CCDC91: variants seen among roughly 807,000 people sequenced by gnomAD.
CCDC91 encodes the protein coiled-coil domain containing 91.
Under a neutral mutation model 63.2 loss-of-function variants are expected in CCDC91, and 48 were observed. The observed-to-expected ratio is 0.76, with a 90% CI of 0.60 to 0.97. The LOEUF (loss-of-function observed/expected upper bound fraction) is 0.97. Ranked by LOEUF, CCDC91 falls within the 50% of genes least tolerant of loss-of-function variation. The probability of loss-of-function intolerance (pLI) is 0.00; values close to 1 mark genes in which losing one functional copy is unlikely to be tolerated. For missense variants in CCDC91, 500 were observed against 494.6 expected (o/e 1.01, Z -0.10); for synonymous variants, 167 against 165.8 (o/e 1.01, Z -0.06).
Position 28,340,316 on chromosome 12 carries a change from C to A in CCDC91, c.577-22122C>A, listed in dbSNP as rs574012282. Among the ~76,000 whole-genome samples the A allele has an allele frequency of 2.1e-3, 324 of 152,276 alleles. 2 individuals are homozygous for A. The highest frequency in any genetic ancestry group is 7.4e-3 in the African/African-American group (306 of 41,554). ...ATGGAAGACAGCTGTATTCTCTTAT[C>A]TCCTTGTTTATTCAGTCTTTGGTGA... On this transcript the variant is annotated intron_variant, in intron 6 of 12. Transcript: ENST00000536442.
At chr12:28,399,476 A>G (rs568478198) in intron 8 of CCDC91, among the ~76,000 whole-genome samples, 2 of 152,242 alleles carry the variant, frequency 1.3e-5, no homozygotes, top group Admixed American at 6.5e-5. Flanking sequence ...ACCACTCCCA[A>G]ATCTCTTGAC....
intron 8 of CCDC91, among the ~76,000 whole-genome samples, chr12:28,406,910 C>T (rs796195629): frequency 6.6e-6 from 1 of 151,336 alleles, no homozygotes; most frequent in Non-Finnish European, 1.5e-5. Context: ...TGGTTTGGAT[C>T]TTTGTGCCCA....
intron 8 of CCDC91, among the ~76,000 whole-genome samples, chr12:28,423,155 A>G (rs1948111664): frequency 6.6e-6 from 1 of 152,060 alleles, no homozygotes; most frequent in Admixed American, 6.6e-5. Context: ...AAAATGAAAC[A>G]TTTCCTGTGA....
intron 1 of CCDC91, among the ~76,000 whole-genome samples, chr12:28,201,591 C>T (rs879945911): frequency 6.8e-6 from 1 of 146,602 alleles, no homozygotes. Flanking sequence ...CGATGGGCGG[C>T]CAGGCAGAGA....
intron 1 of CCDC91, among the ~76,000 whole-genome samples, chr12:28,227,127 T>A (rs1944320888): frequency 6.6e-6 from 1 of 152,144 alleles, no homozygotes; most frequent in Middle Eastern, 3.2e-3. Flanking sequence ...TATTGTGACT[T>A]ATCATTGTTG....
intron 6 of CCDC91, among the ~76,000 whole-genome samples, chr12:28,349,503 G>T (rs780172619): frequency 2.8e-4 from 42 of 152,084 alleles, no homozygotes; most frequent in Admixed American, 1.8e-3. Context: ...GCTTATAAGG[G>T]CCTCATGCTT....
At chr12:28,487,192 C>T (rs1427721795) in intron 12 of CCDC91, among the ~76,000 whole-genome samples, 3 of 151,738 alleles carry the variant, frequency 2.0e-5, no homozygotes, top group African/African-American at 7.2e-5. Flanking sequence ...TTATTACTTC[C>T]ACTTTGGGAT....
intron 11 of CCDC91, among the ~76,000 whole-genome samples, chr12:28,478,935 A>ATGG: frequency 2.0e-5 from 3 of 152,206 alleles, no homozygotes; most frequent in African/African-American, 7.2e-5. Context: ...ACCATTTAGA[A>ATGG]TGACATTCAT....
chr12:28,342,256 C>G (rs1412749303), intron 6 of CCDC91, among the ~76,000 whole-genome samples: 3 of 152,168 alleles, frequency 2.0e-5, no homozygotes, highest in Non-Finnish European at 4.4e-5. Context: ...AGGCAGTCCT[C>G]CCTACCAGCA....
At chr12:28,257,168 G>A (rs755341866) in intron 1 of CCDC91, 34 bp from the exon 2 acceptor site, 2 of 1,334,600 alleles carry the variant, frequency 1.5e-6, no homozygotes, top group South Asian at 2.4e-5. Flanking sequence ...GACTGTGTGT[G>A]TGCGGGCTTG....
intron 6 of CCDC91, among the ~76,000 whole-genome samples, chr12:28,341,275 C>G (rs763860313): frequency 1.3e-5 from 2 of 152,072 alleles, no homozygotes; most frequent in Non-Finnish European, 2.9e-5. Flanking sequence ...TTGGGAGATG[C>G]AACATTTGGG....
rs148860540 is a variant in CCDC91 at position 28,311,599 on chromosome 12, A to G, written c.576+3850A>G. ...GAGCAGTGTGTCTTTTCAGTGTCCT[A>G]TAGGGACATTGTTCAATAGGCCTAC... On this transcript the variant is annotated intron_variant, in intron 6 of 12. Coordinates refer to ENST00000536442, the MANE Select transcript of CCDC91 (RefSeq NM_018318.5). Among the ~76,000 whole-genome samples the G allele has an allele frequency of 5.9e-3, 897 of 152,164 alleles. 30 individuals are homozygous for G. Among genetic ancestry groups the G allele is most frequent in the Admixed American group, 0.045 (684 of 15,266 alleles).
intron 8 of CCDC91, among the ~76,000 whole-genome samples, chr12:28,444,254 T>C (rs1159260459): frequency 6.6e-6 from 1 of 152,200 alleles, no homozygotes; most frequent in African/African-American, 2.4e-5. Context: ...TCTATCACAA[T>C]TTTTAAATGC....
At chr12:28,341,199 C>G (rs4931738) in intron 6 of CCDC91, among the ~76,000 whole-genome samples, 150,928 of 152,260 alleles carry the variant, frequency 0.99, 74,818 homozygotes, top group Middle Eastern at 1. Context: ...CTGCTTGTGT[C>G]TCTGCCTGCT....
chr12:28,265,343 A>G (rs540969561), intron 3 of CCDC91, among the ~76,000 whole-genome samples: 1 of 152,198 alleles, frequency 6.6e-6, no homozygotes, highest in South Asian at 2.1e-4. Flanking sequence ...ATAGAGGGCA[A>G]ACTAAACTGT....
chr12:28,304,783 T>C (rs1938528961), intron 3 of CCDC91: 1 of 453,888 alleles, frequency 2.2e-6, no homozygotes, highest in Non-Finnish European at 3.8e-6. Context: ...CCTTAAATTT[T>C]AAAATACATA....
intron 12 of CCDC91, among the ~76,000 whole-genome samples, chr12:28,509,145 G>A (rs184160533): frequency 6.6e-6 from 1 of 151,988 alleles, no homozygotes; most frequent in Admixed American, 6.6e-5. Flanking sequence ...CTCTCATGTA[G>A]TCTTTCTGGG....
At chr12:28,256,044 A>G (rs557682455) in intron 1 of CCDC91, 3 of 152,278 alleles carry the variant, frequency 2.0e-5, no homozygotes, top group South Asian at 2.1e-4. Context: ...TCCATCTTGT[A>G]TTACTGAGTC....
chr12:28,437,113 TAAAA>T (rs1257526883), intron 8 of CCDC91, among the ~76,000 whole-genome samples: 2 of 151,700 alleles, frequency 1.3e-5, no homozygotes, highest in East Asian at 1.9e-4. Flanking sequence ...AATATTTAAT[TAAAA>T]AAATAAAATT....
Sources: allele counts gnomAD v4.1 joint callset (sites outside exome capture counted in the v4.1 genomes callset), GRCh38; gene constraint gnomAD v4.1.1; transcripts MANE v1.5; gene names NCBI Gene and HGNC (gene_info 2026-07-23, HGNC 2026-07-21).